The following ST8SIA4 variants were observed in gnomAD, a reference collection of about 807,000 sequenced individuals.
The protein encoded by ST8SIA4 is CMP-N-acetylneuraminate-poly-alpha-2,8-sialyltransferase.
ST8SIA4 carries 15 observed loss-of-function variants against 33.9 expected under a neutral mutation model. The ratio of observed to expected loss-of-function variants is 0.44; its 90% confidence interval spans 0.30 to 0.68. The LOEUF (loss-of-function observed/expected upper bound fraction) is 0.68. Ranked by LOEUF, ST8SIA4 falls within the 30% of genes least tolerant of loss-of-function variation. The probability of loss-of-function intolerance (pLI) is 0.10; values close to 1 mark genes in which losing one functional copy is unlikely to be tolerated. For synonymous variants in ST8SIA4, 171 were observed against 151.2 expected (o/e 1.13, Z -0.96); for missense variants, 321 against 428.0 (o/e 0.75, Z 2.21).
At chr5:100,818,256 C>T (rs1025340168) in intron 4 of ST8SIA4, among the ~76,000 whole-genome samples, 9 of 152,218 alleles carry the variant, frequency 5.9e-5, no homozygotes, top group African/African-American at 2.2e-4. Flanking sequence ...GGATCATTTC[C>T]AACATGGAGT....
chr5:100,876,214 T>C (rs1419308063), intron 3 of ST8SIA4, among the ~76,000 whole-genome samples: 3 of 152,078 alleles, frequency 2.0e-5, no homozygotes, highest in Non-Finnish European at 2.9e-5. Context: ...TCATACAGAA[T>C]CTCATAGGGG....
intron 3 of ST8SIA4, among the ~76,000 whole-genome samples, chr5:100,865,950 GA>G (rs1356116459): frequency 6.6e-6 from 1 of 152,094 alleles, no homozygotes; most frequent in African/African-American, 2.4e-5. Context: ...TCTGTTTGAT[GA>G]GACTTCCTGT....
At chr5:100,838,927 T>A (rs1375503196) in intron 4 of ST8SIA4, among the ~76,000 whole-genome samples, 1 of 152,016 alleles carries the variant, frequency 6.6e-6, no homozygotes, top group Non-Finnish European at 1.5e-5. Flanking sequence ...ACATCCACAT[T>A]ATAAACTTCC....
intron 4 of ST8SIA4, among the ~76,000 whole-genome samples, chr5:100,850,010 T>C (rs1751657184): frequency 6.6e-6 from 1 of 152,188 alleles, no homozygotes; most frequent in Non-Finnish European, 1.5e-5. Flanking sequence ...GTATCTTATG[T>C]ATTCTCCACT....
intron 4 of ST8SIA4, among the ~76,000 whole-genome samples, chr5:100,818,255 C>G (rs1357526684): frequency 1.3e-5 from 2 of 152,112 alleles, no homozygotes; most frequent in Non-Finnish European, 2.9e-5. Flanking sequence ...AGGATCATTT[C>G]CAACATGGAG....
intron 4 of ST8SIA4, among the ~76,000 whole-genome samples, chr5:100,840,160 G>C (rs1329691350): frequency 6.6e-6 from 1 of 151,748 alleles, no homozygotes; most frequent in South Asian, 2.1e-4. Flanking sequence ...ATTTTCAAAT[G>C]TGTTTAGATT....
intron 3 of ST8SIA4, among the ~76,000 whole-genome samples, chr5:100,880,980 A>G (rs1752409493): frequency 6.6e-6 from 1 of 152,180 alleles, no homozygotes; most frequent in African/African-American, 2.4e-5. Context: ...CATTCACTAA[A>G]TTTCTACATT....
At chr5:100,900,877 C>G (rs1391727696) in intron 1 of ST8SIA4, among the ~76,000 whole-genome samples, 1 of 152,230 alleles carries the variant, frequency 6.6e-6, no homozygotes, top group East Asian at 1.9e-4. Context: ...CGCCGGCGCT[C>G]TGGCAGCAGG....
intron 4 of ST8SIA4, among the ~76,000 whole-genome samples, chr5:100,839,159 C>G (rs1170733212): frequency 6.6e-6 from 1 of 151,836 alleles, no homozygotes; most frequent in Non-Finnish European, 1.5e-5. Flanking sequence ...CTTTTGCCAA[C>G]TTAGAATATG....
chr5:100,817,497 T>C (rs781179242), intron 4 of ST8SIA4, among the ~76,000 whole-genome samples: 1 of 152,196 alleles, frequency 6.6e-6, no homozygotes, highest in South Asian at 2.1e-4. Context: ...CTACATAACA[T>C]GAAACTTAAA....
At chr5:100,833,938 T>C (rs1426926850) in intron 4 of ST8SIA4, among the ~76,000 whole-genome samples, 1 of 152,144 alleles carries the variant, frequency 6.6e-6, no homozygotes, top group Non-Finnish European at 1.5e-5. Flanking sequence ...CTGTATCTAA[T>C]TCAAATGTGC....
At chr5:100,850,132 A>C (rs1174564450) in intron 4 of ST8SIA4, among the ~76,000 whole-genome samples, 1 of 152,188 alleles carries the variant, frequency 6.6e-6, no homozygotes. Flanking sequence ...ATATTACTAC[A>C]CATGGAATCA....
In ST8SIA4 at chr5:100,875,489, T is replaced by C. The variant is rs778239666; in HGVS notation, c.503+10854A>G. ...CATACCTTAATTTCTCTTTCAAACATTCTATTAGTCCCTCTGCATTATTGG... is the reference window on the plus strand; with the variant it reads ...CATACCTTAATTTCTCTTTCAAACACTCTATTAGTCCCTCTGCATTATTGG... On this transcript the variant is annotated intron_variant, in intron 3 of 4. Transcript: ENST00000231461. 6.6e-5 allele frequency among the ~76,000 whole-genome samples: 10 copies of C among 152,306 alleles called. No homozygotes were observed. The South Asian group carries it at 1.0e-3, about 16-fold the overall frequency.
intron 4 of ST8SIA4, among the ~76,000 whole-genome samples, chr5:100,829,514 T>C (rs569439648): frequency 6.6e-6 from 1 of 152,264 alleles, no homozygotes; most frequent in African/African-American, 2.4e-5. Flanking sequence ...CAGTGATATA[T>C]CTATAATAGG....
At chr5:100,856,919 G>T (rs1751826909) in intron 3 of ST8SIA4, among the ~76,000 whole-genome samples, 1 of 152,128 alleles carries the variant, frequency 6.6e-6, no homozygotes, top group South Asian at 2.1e-4. Flanking sequence ...ATTCCTTATA[G>T]TGTTTTACAC....
chr5:100,841,062 A>C (rs887136215), intron 4 of ST8SIA4, among the ~76,000 whole-genome samples: 2 of 151,874 alleles, frequency 1.3e-5, no homozygotes, highest in Non-Finnish European at 1.5e-5. Context: ...CCTACTGTAC[A>C]TCATGATAAA....
intron 3 of ST8SIA4, among the ~76,000 whole-genome samples, chr5:100,875,046 C>T (rs1752276268): frequency 6.6e-6 from 1 of 152,024 alleles, no homozygotes; most frequent in South Asian, 2.1e-4. Context: ...ATCATTATTC[C>T]ATTTTATGTG....
In ST8SIA4 at chr5:100,895,762, C is replaced by T. The variant is rs753853614; in HGVS notation, c.137G>A (p.Arg46Gln). 14 of 1,612,386 alleles carry T rather than the reference C, an allele frequency of 8.7e-6. No individual in the cohort carries two copies. The highest frequency in any genetic ancestry group is 7.7e-5 in the South Asian group (7 of 90,944). The change falls in exon 2 of 5, where the codon CGG becomes CAG. Residue 46 changes from arginine (R) to glutamine (Q), a missense_variant. Coordinates refer to ENST00000231461, the MANE Select transcript of ST8SIA4 (RefSeq NM_005668.6). ...LIGDGELSLS[R>Q]SLVNSSDKII... ...TTTATCAGAGCTATTGACAAGTGAC[C>T]GACTCAAAGACAATTCACCATCTCT...
chr5:100,851,406 T>C (rs541077666), intron 4 of ST8SIA4, among the ~76,000 whole-genome samples: 36 of 152,126 alleles, frequency 2.4e-4, no homozygotes, highest in African/African-American at 8.2e-4. Context: ...AATAAAATTA[T>C]ATACAACAAG....
Sources: allele counts gnomAD v4.1 joint callset (sites outside exome capture counted in the v4.1 genomes callset), GRCh38; gene constraint gnomAD v4.1.1; transcripts MANE v1.5; gene names NCBI Gene and HGNC (gene_info 2026-07-23, HGNC 2026-07-21).